Variants in CRIM1 observed in about 807,000 individuals in gnomAD.
CRIM1 encodes the protein cysteine rich transmembrane BMP regulator 1.
CRIM1 carries 32 observed loss-of-function variants against 116.4 expected under a neutral mutation model. The observed-to-expected ratio is 0.27, with a 90% CI of 0.21 to 0.37. CRIM1 has a LOEUF of 0.37. Among genes scored for constraint, CRIM1 ranks in the 10% least tolerant of loss-of-function variants. The pLI, the probability that CRIM1 is intolerant of heterozygous loss-of-function variation, is 1.00. For missense variants in CRIM1, 1,331 were observed against 1,354.8 expected (o/e 0.98, Z 0.28); for synonymous variants, 590 against 509.2 (o/e 1.16, Z -2.13).
At position 36,550,023 on chromosome 2, in the gene CRIM1, GTGTGTGTGAGAGTATGTA is replaced by G. The variant is rs1381825920; in HGVS notation, c.*1331_*1348del. ...CTACCTGCAGTTTAATTGGAAAGATGTGTGTGTGAGAGTATGTATGTGTGTGTGTGTGTGTGTGTGTGT... is the reference window on the plus strand; with the variant it reads ...CTACCTGCAGTTTAATTGGAAAGATGTGTGTGTGTGTGTGTGTGTGTGTGT... On this transcript the variant is annotated 3_prime_UTR_variant, in exon 17 of 17. Coordinates refer to ENST00000280527, the MANE Select transcript of CRIM1 (RefSeq NM_016441.3). 5 of 150,604 alleles carry G rather than the reference GTGTGTGTGAGAGTATGTA, an allele frequency of 3.3e-5. No individual in the cohort carries two copies. In the South Asian group the frequency reaches 1.1e-3, roughly 33 times the overall value. 9.3% of individuals were successfully genotyped at this position (150,604 alleles called of 1,614,324 possible).
At chr2:36,439,709 C>T (rs1675633502) in intron 2 of CRIM1, among the ~76,000 whole-genome samples, 3 of 152,198 alleles carry the variant, frequency 2.0e-5, no homozygotes. Context: ...CATGCCCATC[C>T]ATTCTCACCA....
chr2:36,533,624 C>T lies in CRIM1; in HGVS notation c.2429-3728C>T, dbSNP rs555461263. Among the ~76,000 whole-genome samples the T allele has an allele frequency of 7.2e-5, 11 of 152,130 alleles. No homozygotes were observed. In the East Asian group the frequency reaches 1.9e-3, roughly 27 times the overall value. Reference sequence around the variant, plus strand: ...AAAAAGAAAAAAGTTATTGGTTTTCCCATTGCCTCCAAGGCATTCAGAGTG... The same window carrying T: ...AAAAAGAAAAAAGTTATTGGTTTTCTCATTGCCTCCAAGGCATTCAGAGTG... On this transcript the variant is annotated intron_variant, in intron 13 of 16. Transcript: ENST00000280527.
chr2:36,448,085 T>G (rs1005482473), intron 4 of CRIM1, among the ~76,000 whole-genome samples: 2 of 152,232 alleles, frequency 1.3e-5, no homozygotes, highest in African/African-American at 4.8e-5. Flanking sequence ...TTCCGCTTCT[T>G]GAAGAGTGCT....
At chr2:36,512,581 T>C (rs72866877) in intron 10 of CRIM1, among the ~76,000 whole-genome samples, 187 bp downstream of exon 10, 223 of 152,240 alleles carry the variant, frequency 1.5e-3, no homozygotes, top group African/African-American at 5.0e-3. Context: ...AAGCTCAGAA[T>C]AGAATGTAAA....
intron 12 of CRIM1, among the ~76,000 whole-genome samples, chr2:36,518,442 T>C (rs1336122684): frequency 6.6e-6 from 1 of 152,232 alleles, no homozygotes; most frequent in Admixed American, 6.5e-5. Context: ...TTGGATTATC[T>C]AGTCAGCTGG....
chr2:36,464,831 A>G (rs1677878657), intron 5 of CRIM1, among the ~76,000 whole-genome samples, 176 bp downstream of exon 5: 1 of 152,220 alleles, frequency 6.6e-6, no homozygotes, highest in Non-Finnish European at 1.5e-5. Context: ...AAGTTAGGTT[A>G]GGAACTATCA....
In CRIM1 at chr2:36,416,209, A is replaced by AAATAATAATAATAAT. The variant is rs70946929; in HGVS notation, c.505+19432_505+19446dup. Among the ~76,000 whole-genome samples the AAATAATAATAATAAT allele has an allele frequency of 4.3e-3, 642 of 149,940 alleles. 4 individuals are homozygous for AAATAATAATAATAAT. The highest frequency in any genetic ancestry group is 0.035 in the Middle Eastern group (10 of 286). On this transcript the variant is annotated intron_variant, in intron 2 of 16. Coordinates refer to ENST00000280527, the MANE Select transcript of CRIM1 (RefSeq NM_016441.3). The stretch of plus-strand genomic sequence containing the variant: ...GGTGATAGGGTGGGATTTTGTCTCA[A>AAATAATAATAATAAT]AATAATAATAATAATAATAATAATG...
intron 1 of CRIM1, among the ~76,000 whole-genome samples, chr2:36,360,265 CAG>C (rs1669131054): frequency 6.6e-6 from 1 of 152,148 alleles, no homozygotes; most frequent in African/African-American, 2.4e-5. Flanking sequence ...TTTGTACAGA[CAG>C]AGTGATGAGG....
Position 36,512,378 on chromosome 2 carries a change from T to C in CRIM1, c.1764T>C (p.Leu588=), listed in dbSNP as rs1664745286. 1 of 1,613,116 alleles carries C rather than the reference T, an allele frequency of 6.2e-7. No individual in the cohort carries two copies. The highest frequency in any genetic ancestry group is 1.3e-5 in the African/African-American group (1 of 74,920). Residue 588 remains leucine (L), a synonymous_variant, in exon 10 of 17, where the codon CTT becomes CTC. Coordinates refer to ENST00000280527, the MANE Select transcript of CRIM1 (RefSeq NM_016441.3). ...TCCAGCAGGACAGTCACGGCTGTCTTATCTGCAAGTGCAGAGGTAAGTGTG... is the reference window on the plus strand; with the variant it reads ...TCCAGCAGGACAGTCACGGCTGTCTCATCTGCAAGTGCAGAGGTAAGTGTG... ...LGFQQDSHGC[L]ICKCREASAS...
At chr2:36,519,282 T>C (rs1164029439) in intron 12 of CRIM1, among the ~76,000 whole-genome samples, 1 of 152,196 alleles carries the variant, frequency 6.6e-6, no homozygotes, top group East Asian at 1.9e-4. Context: ...ATGGGTGGCA[T>C]GTGCAGAGGC....
chr2:36,417,789 A>T (rs1244444097), intron 2 of CRIM1, among the ~76,000 whole-genome samples: 1 of 152,256 alleles, frequency 6.6e-6, no homozygotes, highest in African/African-American at 2.4e-5. Context: ...TCACTAGAAT[A>T]GAAAGTAGAA....
At chr2:36,412,437 G>T (rs1025569427) in intron 2 of CRIM1, among the ~76,000 whole-genome samples, 1 of 152,286 alleles carries the variant, frequency 6.6e-6, no homozygotes, top group Admixed American at 6.5e-5. Flanking sequence ...GAGATTGGCA[G>T]TGGGAATTCT....
At chr2:36,365,678 A>G (rs1669539867) in intron 1 of CRIM1, among the ~76,000 whole-genome samples, 1 of 151,820 alleles carries the variant, frequency 6.6e-6, no homozygotes, top group South Asian at 2.1e-4. Context: ...CTAGCTGTTT[A>G]GTTCTTAGTG....
intron 2 of CRIM1, among the ~76,000 whole-genome samples, chr2:36,415,462 T>C (rs978308829): frequency 1.3e-5 from 2 of 152,226 alleles, no homozygotes; most frequent in Admixed American, 1.3e-4. Context: ...CTGTCTCTTC[T>C]GTAGGCTGTT....
At chr2:36,496,001 G>A (rs916663259) in intron 7 of CRIM1, among the ~76,000 whole-genome samples, 3 of 152,128 alleles carry the variant, frequency 2.0e-5, no homozygotes, top group African/African-American at 7.2e-5. Flanking sequence ...GGAGAATGAC[G>A]AAAGGCAGTA....
chr2:36,358,581 C>A (rs1324520161), intron 1 of CRIM1, among the ~76,000 whole-genome samples: 1 of 152,184 alleles, frequency 6.6e-6, no homozygotes, highest in African/African-American at 2.4e-5. Flanking sequence ...GCCTTTCATT[C>A]CTCTGAAATG....
At chr2:36,363,732 T>C (rs1454496088) in intron 1 of CRIM1, among the ~76,000 whole-genome samples, 1 of 152,178 alleles carries the variant, frequency 6.6e-6, no homozygotes, top group Non-Finnish European at 1.5e-5. Context: ...TAATCAGCAG[T>C]GTGCACTTTG....
chr2:36,356,205 G>T lies in CRIM1; in HGVS notation c.-88G>T. 1.8e-6 allele frequency: 1 copy of T among 556,766 alleles called. No individual in the cohort carries two copies. The highest frequency in any genetic ancestry group is 2.6e-6 in the Non-Finnish European group (1 of 389,214). The allele number at this position is 556,766 out of a possible 1,614,324, so 34.5% of individuals were successfully genotyped here. Reference sequence around the variant, plus strand: ...GAGGACCGCGGGCTGCTGGTGCGGCGGCGGCGGCGCGTGTGCCCCGCGCAG... The same window carrying T: ...GAGGACCGCGGGCTGCTGGTGCGGCTGCGGCGGCGCGTGTGCCCCGCGCAG... On this transcript the variant is annotated 5_prime_UTR_variant, in exon 1 of 17. Coordinates refer to ENST00000280527, the MANE Select transcript of CRIM1 (RefSeq NM_016441.3). This position sits in a 1 kb window ranked among gnomAD's most constrained non-coding sequence, Gnocchi z 4.3.
At chr2:36,446,792 C>A (rs1676274819) in intron 4 of CRIM1, among the ~76,000 whole-genome samples, 1 of 152,136 alleles carries the variant, frequency 6.6e-6, no homozygotes, top group Non-Finnish European at 1.5e-5. Flanking sequence ...GGCTCTGGGA[C>A]TTATACTGGG....
Sources: allele counts gnomAD v4.1 joint callset (sites outside exome capture counted in the v4.1 genomes callset), GRCh38; gene constraint gnomAD v4.1.1; non-coding constraint Gnocchi (gnomAD v3.1); transcripts MANE v1.5; gene names NCBI Gene and HGNC (gene_info 2026-07-23, HGNC 2026-07-21).